PDZD2: variants seen among roughly 807,000 people sequenced by gnomAD.
PDZD2 encodes PDZ domain-containing protein 2.
PDZD2 carries 90 observed loss-of-function variants against 220.7 expected under a neutral mutation model. The observed-to-expected ratio is 0.41, with a 90% CI of 0.34 to 0.49. The LOEUF (loss-of-function observed/expected upper bound fraction) is 0.49. Ranked by LOEUF, PDZD2 falls within the 20% of genes least tolerant of loss-of-function variation. The probability of loss-of-function intolerance (pLI) is 0.28; values close to 1 mark genes in which losing one functional copy is unlikely to be tolerated. For missense variants in PDZD2, 3,174 were observed against 3,608.5 expected, an observed-to-expected ratio of 0.88 and a Z score of 3.08; for synonymous variants, 1,375 against 1,450.5, an observed-to-expected ratio of 0.95 and a Z score of 1.18.
chr5:31,775,268 T>C (rs1449702988), intron 1 of PDZD2, among the ~76,000 whole-genome samples: 2 of 152,124 alleles, frequency 1.3e-5, no homozygotes, highest in African/African-American at 4.8e-5. Context: ...TCATGTTCCA[T>C]AGATCCTTGT....
In PDZD2 at chr5:31,730,120, G is replaced by A. The variant is rs546563564; in HGVS notation, c.-360-68769G>A. Among the ~76,000 whole-genome samples, 5 of 152,260 alleles carry A rather than the reference G, an allele frequency of 3.3e-5. No homozygotes were observed. In the East Asian group the frequency reaches 5.8e-4, roughly 18 times the overall value. On this transcript the variant is annotated intron_variant, in intron 1 of 24. Coordinates refer to ENST00000438447, the MANE Select transcript of PDZD2 (RefSeq NM_178140.4). ...TGGGATTACAGGTGTGAGCCACTGC[G>A]CCCAGCCCAGAGTTAGTTATTAATA...
intron 2 of PDZD2, among the ~76,000 whole-genome samples, chr5:31,949,882 C>T (rs1266434493): frequency 1.3e-5 from 2 of 151,324 alleles, no homozygotes; most frequent in Admixed American, 6.6e-5. Context: ...TGGCGTTTCA[C>T]CATGTTGGCC....
rs1745130549 is a variant in PDZD2 at position 31,646,219 on chromosome 5, A to G, written c.-361+6782A>G. 6.6e-6 allele frequency among the ~76,000 whole-genome samples: 1 copy of G among 152,178 alleles called. No individual in the cohort carries two copies. Among genetic ancestry groups the G allele is most frequent in the Non-Finnish European group, 1.5e-5 (1 of 68,036 alleles). On this transcript the variant is annotated intron_variant, in intron 1 of 24. Coordinates refer to ENST00000438447, the MANE Select transcript of PDZD2 (RefSeq NM_178140.4). The surrounding 1 kb of genome is among the most constrained non-coding windows in gnomAD (Gnocchi z 4.7). ...CGTCCTGGGATGTTACTGTAATTCC[A>G]GTATTCCAGAAGACTCTGTTTCTGG...
At chr5:31,850,243 T>TATATACACAC (rs577432352) in intron 2 of PDZD2, among the ~76,000 whole-genome samples, 2,382 of 122,170 alleles carry the variant, frequency 0.019, 48 homozygotes, top group Middle Eastern at 0.037. Flanking sequence ...TATATATATA[T>TATATACACAC]ACACACACAC....
intron 15 of PDZD2, among the ~76,000 whole-genome samples, chr5:32,071,161 C>T (rs17512228): frequency 0.048 from 7,272 of 152,258 alleles, 251 homozygotes; most frequent in South Asian, 0.11. Flanking sequence ...CAGGTAGTAG[C>T]ATCTGAGTTA....
intron 1 of PDZD2, among the ~76,000 whole-genome samples, chr5:31,711,043 G>A (rs1014481189): frequency 8.5e-5 from 13 of 152,136 alleles, no homozygotes; most frequent in African/African-American, 2.7e-4. Flanking sequence ...TGTTGTTTGA[G>A]GACCTCTTCC....
chr5:32,026,138 A>AT lies in PDZD2; in HGVS notation c.1408-11078dup, dbSNP rs142134117. The stretch of plus-strand genomic sequence containing the variant: ...CCTGCTAATTGTCCTGTTGACTACT[A>AT]TTTTTTTTTTTTTTTGGTAACAGTG... On this transcript the variant is annotated intron_variant, in intron 6 of 24. Coordinates refer to ENST00000438447, the MANE Select transcript of PDZD2 (RefSeq NM_178140.4). 3.5e-3 allele frequency among the ~76,000 whole-genome samples: 492 copies of AT among 140,234 alleles called. 7 individuals are homozygous for AT. The highest frequency in any genetic ancestry group is 8.6e-3 in the African/African-American group (325 of 37,766). 92.0% of individuals were successfully genotyped at this position (140,234 alleles called of 152,430 possible).
intron 1 of PDZD2, among the ~76,000 whole-genome samples, chr5:31,711,341 CAG>C (rs1426914255): frequency 4.6e-5 from 7 of 152,164 alleles, no homozygotes; most frequent in Non-Finnish European, 8.8e-5. Flanking sequence ...GTATGTGTGA[CAG>C]GGGATGGGAA....
intron 5 of PDZD2, among the ~76,000 whole-genome samples, chr5:32,003,404 ACTC>A (rs1407364471): frequency 2.8e-5 from 2 of 70,570 alleles, no homozygotes; most frequent in African/African-American, 1.1e-4. Context: ...CCACACACAC[ACTC>A]CTCCACACAC....
chr5:31,934,705 G>A (rs1319884939), intron 2 of PDZD2, among the ~76,000 whole-genome samples: 1 of 150,736 alleles, frequency 6.6e-6, no homozygotes, highest in Admixed American at 6.6e-5. Flanking sequence ...GTCTCACTGT[G>A]ACTGGAACTA....
chr5:31,787,637 G>C (rs551760105), intron 1 of PDZD2: 1 of 151,670 alleles, frequency 6.6e-6, no homozygotes, highest in South Asian at 2.1e-4. Flanking sequence ...TTCTTCAAAG[G>C]TCATCAAACC....
At chr5:31,850,035 C>A in intron 2 of PDZD2, among the ~76,000 whole-genome samples, 3 of 58,232 alleles carry the variant, frequency 5.2e-5, no homozygotes, top group East Asian at 2.4e-4. Context: ...CTCATATATA[C>A]ACGTATATAT....
intron 1 of PDZD2, among the ~76,000 whole-genome samples, chr5:31,789,453 C>A (rs1413856854): frequency 6.6e-6 from 1 of 152,230 alleles, no homozygotes; most frequent in African/African-American, 2.4e-5. Flanking sequence ...ACCCTTCTTT[C>A]CATTCAAGGC....
chr5:32,048,797 A>G lies in PDZD2; in HGVS notation c.1665+113A>G, dbSNP rs533311148. The G allele has an allele frequency of 3.7e-6, 4 of 1,086,288 alleles. No homozygotes were observed. In the African/African-American group the frequency reaches 6.2e-5, roughly 17 times the overall value. 67.3% of individuals were successfully genotyped at this position (1,086,288 alleles called of 1,614,324 possible). A position where few individuals can be genotyped will look rare whatever the true frequency, so the allele number is the denominator to read the frequency against. ...GGGGCTAGAGAAGTGGGATAGAGAG[A>G]GACAGCAGGCAAAGTGAGGTCTACC... On this transcript the variant is annotated intron_variant, in intron 8 of 24. Coordinates refer to ENST00000438447, the MANE Select transcript of PDZD2 (RefSeq NM_178140.4).
chr5:31,836,298 C>T (rs11742361), intron 2 of PDZD2, among the ~76,000 whole-genome samples: 2 of 146,548 alleles, frequency 1.4e-5, no homozygotes, highest in Non-Finnish European at 3.0e-5. Flanking sequence ...GTGGCATGAT[C>T]TTGGCTCACT....
intron 2 of PDZD2, among the ~76,000 whole-genome samples, chr5:31,827,601 G>A (rs1413481967): frequency 6.6e-6 from 1 of 151,788 alleles, no homozygotes; most frequent in Non-Finnish European, 1.5e-5. Flanking sequence ...GCTGAGGCAG[G>A]AGAATTGCTT....
chr5:32,069,278 A>C (rs1468236100), intron 14 of PDZD2, among the ~76,000 whole-genome samples: 1 of 151,998 alleles, frequency 6.6e-6, no homozygotes, highest in Non-Finnish European at 1.5e-5. Context: ...AAAAAAAAAA[A>C]AAAAAATTGA....
chr5:32,105,590 T>A (rs760572324), intron 24 of PDZD2, among the ~76,000 whole-genome samples: 7 of 152,130 alleles, frequency 4.6e-5, no homozygotes, highest in Non-Finnish European at 8.8e-5. Flanking sequence ...CCTCTCTCTA[T>A]ATACTAACTG....
chr5:31,749,550 A>G (rs189860570), intron 1 of PDZD2, among the ~76,000 whole-genome samples: 3 of 151,606 alleles, frequency 2.0e-5, no homozygotes, highest in Admixed American at 6.6e-5. Flanking sequence ...CAGCTTCCCG[A>G]GTAGCTGGGA....
Sources: allele counts gnomAD v4.1 joint callset (sites outside exome capture counted in the v4.1 genomes callset), GRCh38; gene constraint gnomAD v4.1.1; non-coding constraint Gnocchi (gnomAD v3.1); transcripts MANE v1.5; gene names NCBI Gene and HGNC (gene_info 2026-07-23, HGNC 2026-07-21).